SLC8A1: variants seen among roughly 807,000 people sequenced by gnomAD.
SLC8A1 encodes solute carrier family 8 member A1, also known as sodium/calcium exchanger 1.
A neutral mutation model predicts 68.3 loss-of-function variants in SLC8A1; 18 were observed. The ratio of observed to expected loss-of-function variants is 0.26; its 90% CI spans 0.18 to 0.39. The LOEUF (loss-of-function observed/expected upper bound fraction) is 0.39. SLC8A1 is among the 10% of genes least tolerant of loss of function. SLC8A1 has a pLI of 1.00. For missense variants in SLC8A1, 985 were observed against 1,156.7 expected (o/e 0.85, Z 2.15); for synonymous variants, 475 against 415.5 (o/e 1.14, Z -1.74).
intron 2 of SLC8A1, among the ~76,000 whole-genome samples, chr2:40,214,937 T>C (rs999713762): frequency 6.6e-6 from 1 of 152,188 alleles, no homozygotes; most frequent in African/African-American, 2.4e-5. Context: ...ATGTCAATGA[T>C]TTTACCGGAT....
Position 40,346,806 on chromosome 2 carries a change from G to T in SLC8A1, c.1808+81667C>A, listed in dbSNP as rs1047231823. On this transcript the variant is annotated intron_variant, in intron 2 of 7. Coordinates refer to ENST00000406785, the Ensembl canonical transcript of SLC8A1. The stretch of plus-strand genomic sequence containing the variant: ...AGGGAAAAAAGTCTTGTAGCTCAAT[G>T]ATCTTTCTAGTTTGGAATAATTTTA... 3.3e-5 allele frequency among the ~76,000 whole-genome samples: 5 copies of T among 152,080 alleles called. No homozygotes were observed. The East Asian group carries it at 7.7e-4, about 23-fold the overall frequency.
intron 2 of SLC8A1, among the ~76,000 whole-genome samples, chr2:40,417,661 A>T (rs1191075739): frequency 6.6e-6 from 1 of 152,140 alleles, no homozygotes; most frequent in African/African-American, 2.4e-5. Flanking sequence ...GGCTTAAGCC[A>T]CAGGGATAAA....
chr2:40,138,172 G>T (rs1452953437), intron 7 of SLC8A1, among the ~76,000 whole-genome samples: 2 of 152,266 alleles, frequency 1.3e-5, no homozygotes, highest in South Asian at 2.1e-4. Flanking sequence ...GAGGCTCAGA[G>T]AGGTGAAGTA....
intron 2 of SLC8A1, among the ~76,000 whole-genome samples, chr2:40,270,280 T>C (rs2065868671): frequency 6.6e-6 from 1 of 152,232 alleles, no homozygotes; most frequent in East Asian, 1.9e-4. Context: ...AGGAGGATGG[T>C]GTAGGAAGGT....
chr2:40,138,051 CTA>C (rs2040855657), intron 7 of SLC8A1, among the ~76,000 whole-genome samples: 1 of 152,080 alleles, frequency 6.6e-6, no homozygotes. Context: ...TAAATTTTTT[CTA>C]TGTCCCAGGT....
intron 1 of SLC8A1, among the ~76,000 whole-genome samples, chr2:40,444,351 A>T (rs962460453): frequency 5.3e-5 from 8 of 152,140 alleles, no homozygotes; most frequent in African/African-American, 1.9e-4. Flanking sequence ...GAAAAGTAAA[A>T]TTAAAAAGTC....
At chr2:40,160,632 A>G (rs1197807635) in intron 6 of SLC8A1, 133 bp downstream of exon 9, 19 of 736,054 alleles carry the variant, frequency 2.6e-5, no homozygotes, top group Non-Finnish European at 4.5e-5. Context: ...TACATTAACA[A>G]ATAAACTTAT....
At chr2:40,175,793 T>G (rs1293505571) in intron 3 of SLC8A1, among the ~76,000 whole-genome samples, 1 of 152,072 alleles carries the variant, frequency 6.6e-6, no homozygotes, top group African/African-American at 2.4e-5. Flanking sequence ...GACATTCCAT[T>G]TTGGGTTCCC....
chr2:40,219,686 A>C (rs1037563851), intron 2 of SLC8A1, among the ~76,000 whole-genome samples: 3 of 152,218 alleles, frequency 2.0e-5, no homozygotes, highest in African/African-American at 7.2e-5. Context: ...AGCCAATCAA[A>C]CAAGCAAAGG....
At chr2:40,423,188 T>C (rs1695973607) in intron 2 of SLC8A1, among the ~76,000 whole-genome samples, 1 of 152,108 alleles carries the variant, frequency 6.6e-6, no homozygotes, top group Admixed American at 6.6e-5. Context: ...TCCTGTCTAT[T>C]GAAACTGCCC....
chr2:40,131,271 T>C (rs2039276414), intron 7 of SLC8A1, among the ~76,000 whole-genome samples: 1 of 152,168 alleles, frequency 6.6e-6, no homozygotes, highest in African/African-American at 2.4e-5. Flanking sequence ...CTCATGTTCT[T>C]TTATAACCCC....
chr2:40,170,058 G>C (rs2047197288), intron 4 of SLC8A1, among the ~76,000 whole-genome samples: 1 of 152,228 alleles, frequency 6.6e-6, no homozygotes, highest in Admixed American at 6.5e-5. Flanking sequence ...CATGGGATCA[G>C]TCTTCTCTGC....
At chr2:40,491,235 T>C (rs1054469635) in intron 1 of SLC8A1, among the ~76,000 whole-genome samples, 2 of 152,174 alleles carry the variant, frequency 1.3e-5, no homozygotes, top group African/African-American at 2.4e-5. Flanking sequence ...TATTTTATTC[T>C]CTTTGAAGCA....
chr2:40,412,001 A>G (rs1692303589), intron 2 of SLC8A1, among the ~76,000 whole-genome samples: 1 of 152,162 alleles, frequency 6.6e-6, no homozygotes, highest in Non-Finnish European at 1.5e-5. Flanking sequence ...CCATTGATAT[A>G]GAAAAATTTA....
chr2:40,510,215 C>A (rs1706631244), intron 1 of SLC8A1, among the ~76,000 whole-genome samples: 1 of 152,108 alleles, frequency 6.6e-6, no homozygotes, highest in African/African-American at 2.4e-5. Flanking sequence ...TTAAGATTTT[C>A]TAGATGTATA....
intron 2 of SLC8A1, among the ~76,000 whole-genome samples, chr2:40,188,724 A>G (rs2051176286): frequency 6.6e-6 from 1 of 152,206 alleles, no homozygotes; most frequent in Non-Finnish European, 1.5e-5. Flanking sequence ...AAATAAGAAC[A>G]CCAGGAAATG....
intron 6 of SLC8A1, among the ~76,000 whole-genome samples, chr2:40,155,364 C>T (rs985938553): frequency 6.6e-6 from 1 of 152,118 alleles, no homozygotes; most frequent in Admixed American, 6.5e-5. Context: ...CTCCTGACCT[C>T]GTGATCCACC....
intron 1 of SLC8A1, among the ~76,000 whole-genome samples, chr2:40,432,350 A>G (rs1452006706): frequency 6.7e-6 from 1 of 149,992 alleles, no homozygotes; most frequent in Non-Finnish European, 1.5e-5. Context: ...AAAAACTCCT[A>G]TGGTACATGT....
At chr2:40,455,276 T>C (rs1298793978), upstream of SLC8A1, among the ~76,000 whole-genome samples, 1 of 152,222 alleles carries the variant, frequency 6.6e-6, no homozygotes, top group African/African-American at 2.4e-5. Context: ...TTACCAAGAT[T>C]TTTAAAAATA....
Sources: allele counts gnomAD v4.1 joint callset (sites outside exome capture counted in the v4.1 genomes callset), GRCh38; gene constraint gnomAD v4.1.1; transcripts MANE v1.5; gene names NCBI Gene and HGNC (gene_info 2026-07-23, HGNC 2026-07-21).